DENND2A: variants seen among roughly 807,000 people sequenced by gnomAD.
DENND2A encodes the protein DENN domain containing 2A.
Under a neutral mutation model 105.3 loss-of-function variants are expected in DENND2A, and 53 were observed. The observed-to-expected ratio is 0.50, with a 90% CI of 0.40 to 0.63. DENND2A has a LOEUF of 0.63. Among genes scored for constraint, DENND2A ranks in the 30% least tolerant of loss-of-function variants. DENND2A has a pLI of 0.00. For missense variants in DENND2A, 1,138 were observed against 1,279.6 expected (o/e 0.89, Z 1.69); for synonymous variants, 522 against 508.4 (o/e 1.03, Z -0.36).
intron 3 of DENND2A, among the ~76,000 whole-genome samples, chr7:140,596,385 C>T (rs1002952336): frequency 9.8e-5 from 15 of 152,310 alleles, no homozygotes; most frequent in East Asian, 1.9e-4. Context: ...AGTTTTTAGA[C>T]GTGGTAATTC....
At chr7:140,585,517 C>T (rs1037651815) in intron 5 of DENND2A, 72 bp downstream of exon 5, 49 of 1,594,286 alleles carry the variant, frequency 3.1e-5, no homozygotes, top group Non-Finnish European at 3.7e-5. Flanking sequence ...CAGTGCTGGC[C>T]GGAACTCCAG....
chr7:140,605,044 G>A (rs1051614898), intron 2 of DENND2A, among the ~76,000 whole-genome samples: 2 of 152,204 alleles, frequency 1.3e-5, no homozygotes, highest in African/African-American at 4.8e-5. Flanking sequence ...CGGAAAACTT[G>A]AGAGGAACAA....
chr7:140,581,846 G>C (rs1441518993), intron 5 of DENND2A, among the ~76,000 whole-genome samples: 1 of 152,198 alleles, frequency 6.6e-6, no homozygotes, highest in Non-Finnish European at 1.5e-5. Context: ...AGCTGCTTTG[G>C]TGGCAGAGGC....
At chr7:140,604,822 A>G (rs1182738139) in intron 2 of DENND2A, among the ~76,000 whole-genome samples, 1 of 152,216 alleles carries the variant, frequency 6.6e-6, no homozygotes, top group Non-Finnish European at 1.5e-5. Flanking sequence ...CCACATTTAT[A>G]TTGTTTACTG....
rs184734845 is a variant in DENND2A, at chr7:140,553,440, G to A, written c.2037+2196C>T. Among the ~76,000 whole-genome samples, 71 of 152,138 alleles carry A rather than the reference G, an allele frequency of 4.7e-4. 1 individual carries two copies. The highest frequency in any genetic ancestry group is 1.8e-3 in the Admixed American group (27 of 15,268). On this transcript the variant is annotated intron_variant, in intron 12 of 19. Transcript: ENST00000496613. ...CCGAGACATTCCATTGCGCAGGCAC[G>A]GCAGGAGACAGATGCATTCCTCTTG...
intron 11 of DENND2A, among the ~76,000 whole-genome samples, chr7:140,556,496 G>A (rs1289630007): frequency 5.3e-5 from 8 of 151,212 alleles, no homozygotes; most frequent in Non-Finnish European, 1.0e-4. Flanking sequence ...GTGCCACCAC[G>A]CCCAGCTATT....
At chr7:140,564,742 TTAAC>T (rs1427152532) in intron 9 of DENND2A, among the ~76,000 whole-genome samples, 1 of 152,218 alleles carries the variant, frequency 6.6e-6, no homozygotes, top group Admixed American at 6.5e-5. Context: ...GAGTCATTAA[TTAAC>T]TAACTCATGA....
chr7:140,563,267 TACAGGCACACTTGTGC>T (rs1797703012), intron 9 of DENND2A, among the ~76,000 whole-genome samples: 1 of 152,118 alleles, frequency 6.6e-6, no homozygotes. Flanking sequence ...CACACACAAA[TACAGGCACACTTGTGC>T]CTACCCACAC....
intron 1 of DENND2A, among the ~76,000 whole-genome samples, chr7:140,637,522 A>G (rs1284144048): frequency 6.6e-6 from 1 of 152,132 alleles, no homozygotes; most frequent in African/African-American, 2.4e-5. Context: ...GTAGCAAACA[A>G]GATTTCCACC....
rs913294218 is a variant in DENND2A at position 140,602,431 on chromosome 7, CA to C, written c.-35del. 5.9e-6 allele frequency: 9 copies of C among 1,514,154 alleles called. No individual in the cohort carries two copies. Among genetic ancestry groups the C allele is most frequent in the Non-Finnish European group, 7.9e-6 (9 of 1,137,156 alleles). The allele number at this position is 1,514,154 out of a possible 1,614,324, so 93.8% of individuals were successfully genotyped here. A position where few individuals can be genotyped will look rare whatever the true frequency, so the allele number is the denominator to read the frequency against. On this transcript the variant is annotated 5_prime_UTR_variant, in exon 3 of 20. Transcript: ENST00000496613. Reference sequence around the variant, plus strand: ...CTAGCGTGAGGTTGTGGAGGCCTTCCAGGGGACTCCTTCTGAAGCCTGACTC... The same window carrying C: ...CTAGCGTGAGGTTGTGGAGGCCTTCCGGGGACTCCTTCTGAAGCCTGACTC...
chr7:140,567,261 C>A lies in DENND2A; in HGVS notation c.1604G>T (p.Arg535Leu). ...CAGCCGGGACTTCACGTTGACCAGGCGCTGGCTGTGAGCTGGGTGAGGGAG... is the reference window on the plus strand; with the variant it reads ...CAGCCGGGACTTCACGTTGACCAGGAGCTGGCTGTGAGCTGGGTGAGGGAG... ...TEEKLKAHSQ[R>L]LVNVKSRLKQ... Residue 535 changes from arginine to leucine, a missense_variant, in exon 9 of 20, where the codon CGC becomes CTC. By Grantham distance (102) the Arg-to-Leu change is moderately radical. Around this residue, in one of 2 missense-constraint regions of DENND2A, gnomAD observed 627 missense variants for 779.8 expected, o/e 0.80. Coordinates refer to ENST00000496613, the MANE Select transcript of DENND2A (RefSeq NM_015689.5). 1 of 1,603,178 alleles carries A rather than the reference C, an allele frequency of 6.2e-7. No individual in the cohort carries two copies. The highest frequency in any genetic ancestry group is 1.7e-5 in the Admixed American group (1 of 59,092).
At chr7:140,627,329 A>G (rs2130731848) in intron 1 of DENND2A, among the ~76,000 whole-genome samples, 1 of 152,138 alleles carries the variant, frequency 6.6e-6, no homozygotes, top group South Asian at 2.1e-4. Flanking sequence ...CTTGTGCCTC[A>G]GTCTCCCGAG....
Position 140,519,648 on chromosome 7 carries a change from C to T in DENND2A, c.2982G>A (p.Lys994=), listed in dbSNP as rs756328923. Residue 994 remains lysine, a synonymous_variant, in exon 19 of 20, where the codon AAG becomes AAA. Transcript: ENST00000496613. Reference sequence around the variant, plus strand: ...GGGCCTTACCTAGTCCCTTCAGGAACTTATTGACACCGCTGTGCTCTCCAC... The same window carrying T: ...GGGCCTTACCTAGTCCCTTCAGGAATTTATTGACACCGCTGTGCTCTCCAC... ...LPSGEHSGVN[K]FLKGLGNKMK... 11 of 1,613,968 alleles carry T rather than the reference C, an allele frequency of 6.8e-6. No individual in the cohort carries two copies. Among genetic ancestry groups the T allele is most frequent in the Non-Finnish European group, 9.3e-6 (11 of 1,180,018 alleles).
intron 3 of DENND2A, among the ~76,000 whole-genome samples, chr7:140,592,147 C>A (rs1256606736): frequency 1.3e-5 from 2 of 149,586 alleles, no homozygotes; most frequent in Admixed American, 6.7e-5. Flanking sequence ...TCAAGCAATT[C>A]TCCTGCCTCA....
chr7:140,639,661 C>T (rs1405093098), intron 1 of DENND2A, among the ~76,000 whole-genome samples: 2 of 152,218 alleles, frequency 1.3e-5, no homozygotes, highest in Non-Finnish European at 2.9e-5. Context: ...AACTCTGTTA[C>T]CCCCAGCCCA....
At chr7:140,607,907 G>A (rs539380499) in intron 1 of DENND2A, among the ~76,000 whole-genome samples, 3 of 152,298 alleles carry the variant, frequency 2.0e-5, no homozygotes, top group East Asian at 1.9e-4. Context: ...AGGATGCACC[G>A]AAGGACTCAA....
intron 9 of DENND2A, among the ~76,000 whole-genome samples, chr7:140,560,624 T>A (rs1229816739): frequency 1.3e-5 from 2 of 150,848 alleles, no homozygotes; most frequent in East Asian, 3.9e-4. Context: ...AGGTCCCACC[T>A]CTATGGGAAA....
rs114649272 is a variant in DENND2A, at chr7:140,602,541, C to T, written c.-144G>A. ...TCAGTCCTTGGACCTTCCACCTTGACCCTGCACAAGAAAGACAAACACCAG... is the reference window on the plus strand; with the variant it reads ...TCAGTCCTTGGACCTTCCACCTTGATCCTGCACAAGAAAGACAAACACCAG... On this transcript the variant is annotated splice_region_variant and 5_prime_UTR_variant, in exon 3 of 20. Coordinates refer to ENST00000496613, the MANE Select transcript of DENND2A (RefSeq NM_015689.5). 1,447 of 779,842 alleles carry T rather than the reference C, an allele frequency of 1.9e-3. 14 individuals carry two copies. The African/African-American group carries it at 0.021, about 11-fold the overall frequency. 48.3% of individuals were successfully genotyped at this position (779,842 alleles called of 1,614,324 possible).
chr7:140,584,704 T>C (rs962090592), intron 5 of DENND2A, among the ~76,000 whole-genome samples: 2 of 152,240 alleles, frequency 1.3e-5, no homozygotes, highest in East Asian at 3.8e-4. Flanking sequence ...TCCTCTGAGG[T>C]CCTCAGTTAC....
Sources: gnomAD v4.1 joint callset for allele counts (sites outside exome capture counted in the v4.1 genomes callset) on GRCh38, gnomAD v4.1.1 for gene constraint, gnomAD v4.1.1 regional missense constraint, MANE v1.5 for transcripts, NCBI Gene and HGNC (gene_info 2026-07-23, HGNC 2026-07-21) for gene names.